LRFN5: variants seen among roughly 807,000 people sequenced by gnomAD.
LRFN5 encodes the protein leucine rich repeat and fibronectin type III domain containing 5.
LRFN5 carries 24 observed loss-of-function variants against 45.6 expected under a neutral mutation model. The observed-to-expected ratio is 0.53, with a 90% CI of 0.38 to 0.74. The LOEUF is 0.74. Among genes scored for constraint, LRFN5 ranks in the 30% least tolerant of loss-of-function variants. LRFN5 has a pLI of 0.00. For synonymous variants in LRFN5, 340 were observed against 313.8 expected (o/e 1.08, Z -0.88); for missense variants, 776 against 861.5 (o/e 0.90, Z 1.24).
chr14:41,805,375 C>G (rs927274801), intron 2 of LRFN5, among the ~76,000 whole-genome samples: 8 of 147,846 alleles, frequency 5.4e-5, no homozygotes, highest in Non-Finnish European at 1.0e-4. Flanking sequence ...TCAGGGCATA[C>G]TTACATAAGT....
chr14:41,766,290 T>G (rs912674133), intron 1 of LRFN5, among the ~76,000 whole-genome samples: 1 of 152,172 alleles, frequency 6.6e-6, no homozygotes, highest in African/African-American at 2.4e-5. Flanking sequence ...AAAAAGAGGT[T>G]GAAATCAGTA....
chr14:41,747,133 T>A (rs1221493925), intron 1 of LRFN5, among the ~76,000 whole-genome samples: 2 of 151,986 alleles, frequency 1.3e-5, no homozygotes. Context: ...CCCAAAAGGA[T>A]CTACAAATTT....
intron 1 of LRFN5, among the ~76,000 whole-genome samples, chr14:41,755,073 T>A (rs1373387471): frequency 6.6e-6 from 1 of 152,158 alleles, no homozygotes; most frequent in African/African-American, 2.4e-5. Flanking sequence ...AGTTGAGCAG[T>A]TTTGAGTGAG....
intron 2 of LRFN5, among the ~76,000 whole-genome samples, chr14:41,809,181 C>A (rs1301183299): frequency 2.0e-5 from 3 of 151,940 alleles, no homozygotes; most frequent in Non-Finnish European, 4.4e-5. Flanking sequence ...GCTAATTCAA[C>A]TAGGTAATGC....
chr14:41,774,534 A>G (rs768839560), intron 2 of LRFN5, among the ~76,000 whole-genome samples: 3 of 152,194 alleles, frequency 2.0e-5, no homozygotes, highest in Non-Finnish European at 4.4e-5. Context: ...ATTACTAATG[A>G]TTTGTAATAT....
intron 1 of LRFN5, among the ~76,000 whole-genome samples, chr14:41,712,899 T>C (rs1243069549): frequency 6.6e-6 from 1 of 152,058 alleles, no homozygotes; most frequent in Admixed American, 6.6e-5. Context: ...ATCACAGCAT[T>C]ACATTTTACT....
intron 1 of LRFN5, among the ~76,000 whole-genome samples, chr14:41,675,018 A>T: frequency 6.6e-6 from 1 of 151,822 alleles, no homozygotes; most frequent in Non-Finnish European, 1.5e-5. Context: ...GGCCGGGCAG[A>T]GACGCTCCTC....
intron 1 of LRFN5, among the ~76,000 whole-genome samples, chr14:41,632,909 A>G (rs1464424910): frequency 2.0e-5 from 3 of 152,210 alleles, no homozygotes; most frequent in Non-Finnish European, 4.4e-5. Flanking sequence ...TCTCATAACC[A>G]TTAAATGTAA....
At chr14:41,839,702 A>G (rs929467908) in intron 2 of LRFN5, among the ~76,000 whole-genome samples, 9 of 152,120 alleles carry the variant, frequency 5.9e-5, no homozygotes, top group African/African-American at 2.2e-4. Flanking sequence ...CACCAAAGCT[A>G]TTTCTGTGGA....
At chr14:41,623,341 G>A (rs1048093501) in intron 1 of LRFN5, among the ~76,000 whole-genome samples, 1 of 152,018 alleles carries the variant, frequency 6.6e-6, no homozygotes, top group African/African-American at 2.4e-5. Flanking sequence ...CCACCATGAT[G>A]GTAAGTTTCC....
At chr14:41,902,682 C>T (rs1168767552) in intron 5 of LRFN5, among the ~76,000 whole-genome samples, 2 of 151,742 alleles carry the variant, frequency 1.3e-5, no homozygotes, top group African/African-American at 4.8e-5. Flanking sequence ...ATCCTGGAAC[C>T]ATTTATTACT....
chr14:41,744,416 A>T (rs1884834317), intron 1 of LRFN5, among the ~76,000 whole-genome samples: 1 of 152,130 alleles, frequency 6.6e-6, no homozygotes, highest in African/African-American at 2.4e-5. Context: ...ATTTCAATAC[A>T]AAAAAATTTA....
chr14:41,642,739 A>G (rs1297444282), intron 1 of LRFN5, among the ~76,000 whole-genome samples: 3 of 152,158 alleles, frequency 2.0e-5, no homozygotes, highest in Non-Finnish European at 4.4e-5. Flanking sequence ...ATGGGCTTCC[A>G]TTTGCTACTT....
chr14:41,794,710 A>C (rs1887056628), intron 2 of LRFN5, among the ~76,000 whole-genome samples: 1 of 152,030 alleles, frequency 6.6e-6, no homozygotes, highest in South Asian at 2.1e-4. Context: ...TAGAGTTAAT[A>C]ATAAGAATAT....
At chr14:41,829,266 C>T (rs1005842097) in intron 2 of LRFN5, among the ~76,000 whole-genome samples, 7 of 151,822 alleles carry the variant, frequency 4.6e-5, no homozygotes, top group Admixed American at 1.3e-4. Context: ...TTACAGATAA[C>T]ATAAAACCAC....
chr14:41,828,288 T>G (rs1888364603), intron 2 of LRFN5, among the ~76,000 whole-genome samples: 1 of 151,932 alleles, frequency 6.6e-6, no homozygotes, highest in African/African-American at 2.4e-5. Context: ...TAACGTGTGT[T>G]TTCTCAAAAA....
intron 1 of LRFN5, among the ~76,000 whole-genome samples, chr14:41,652,802 C>T (rs977938735): frequency 7.2e-5 from 11 of 152,102 alleles, no homozygotes; most frequent in African/African-American, 2.7e-4. Context: ...ATTCCTTTTT[C>T]TCCACAACAT....
chr14:41,633,590 A>G (rs1888622957), intron 1 of LRFN5, among the ~76,000 whole-genome samples: 2 of 152,168 alleles, frequency 1.3e-5, no homozygotes, highest in South Asian at 2.1e-4. Context: ...GTTTTGTCTA[A>G]ATAGAAGTTT....
chr14:41,640,422 C>T (rs1566599379), intron 1 of LRFN5, among the ~76,000 whole-genome samples: 1 of 152,058 alleles, frequency 6.6e-6, no homozygotes, highest in East Asian at 1.9e-4. Context: ...ACATGGAAGG[C>T]AAACCTAATT....
Sources: allele counts gnomAD v4.1 joint callset (sites outside exome capture counted in the v4.1 genomes callset), GRCh38; gene constraint gnomAD v4.1.1; transcripts MANE v1.5; gene names NCBI Gene and HGNC (gene_info 2026-07-23, HGNC 2026-07-21).